Variants in ATAD2B observed in about 807,000 individuals in gnomAD.
ATAD2B encodes ATPase family AAA domain-containing protein 2B.
A neutral mutation model predicts 167.6 loss-of-function variants in ATAD2B; 40 were observed. The ratio of observed to expected loss-of-function variants is 0.24; its 90% CI spans 0.19 to 0.31. ATAD2B has a LOEUF of 0.31. Among genes scored for constraint, ATAD2B ranks in the 10% least tolerant of loss-of-function variants. ATAD2B has a pLI of 1.00. For missense variants in ATAD2B, 1,242 were observed against 1,757.2 expected (o/e 0.71, Z 5.24); for synonymous variants, 579 against 596.5 (o/e 0.97, Z 0.43).
chr2:23,875,976 A>AT (rs1696760480), intron 7 of ATAD2B, 72 bp from the exon 8 acceptor site: 1 of 1,135,954 alleles, frequency 8.8e-7, no homozygotes, highest in Non-Finnish European at 1.3e-6. Context: ...AGGAGTAGAA[A>AT]TGACTTCTGC....
At chr2:23,708,573 G>A in the ATAD2B span, 2 of 152,268 alleles carry the variant, frequency 1.3e-5, no homozygotes, top group African/African-American at 4.8e-5. Flanking sequence ...TTAAGTTCTT[G>A]TTATATTATA....
At chr2:23,721,726 C>T in the ATAD2B span, among the ~76,000 whole-genome samples, 1 of 152,074 alleles carries the variant, frequency 6.6e-6, no homozygotes, top group African/African-American at 2.4e-5. Context: ...CCATGGGCCA[C>T]GGTCAGCAGA....
chr2:23,683,028 G>A, the ATAD2B span, among the ~76,000 whole-genome samples: 1 of 152,250 alleles, frequency 6.6e-6, no homozygotes, highest in African/African-American at 2.4e-5. Flanking sequence ...AAAAGGGCCT[G>A]CCTGGCAATC....
intron 20 of ATAD2B, among the ~76,000 whole-genome samples, chr2:23,787,844 G>C (rs1572750287): frequency 6.6e-6 from 1 of 152,054 alleles, no homozygotes; most frequent in Middle Eastern, 3.4e-3. Context: ...TTTAAGATTA[G>C]GAAAAGAAAA....
chr2:23,773,977 C>G (rs1302706257), intron 22 of ATAD2B, among the ~76,000 whole-genome samples: 1 of 152,104 alleles, frequency 6.6e-6, no homozygotes, highest in Admixed American at 6.5e-5. Context: ...AATGTAACAG[C>G]AATTTCACTG....
intron 1 of ATAD2B, among the ~76,000 whole-genome samples, chr2:23,908,260 C>T (rs1006155752): frequency 6.6e-6 from 1 of 152,036 alleles, no homozygotes; most frequent in Non-Finnish European, 1.5e-5. Context: ...GGGCTAATAT[C>T]CAGAATCTAC....
chr2:23,706,494 G>C, the ATAD2B span: 1 of 1,530,550 alleles, frequency 6.5e-7, no homozygotes. Context: ...TGTGGTGCTT[G>C]ATGGCAAGAT....
At chr2:23,719,653 G>A in the ATAD2B span, among the ~76,000 whole-genome samples, 12 of 152,030 alleles carry the variant, frequency 7.9e-5, no homozygotes, top group East Asian at 1.9e-4. Context: ...CACCAAGCAC[G>A]TGGAAAACTT....
At chr2:23,726,340 T>C in the ATAD2B span, among the ~76,000 whole-genome samples, 1 of 152,238 alleles carries the variant, frequency 6.6e-6, no homozygotes, top group Non-Finnish European at 1.5e-5. Context: ...TGTTGACTAA[T>C]AGCCTTACTG....
Position 23,771,310 on chromosome 2 carries a change from T to C in ATAD2B, c.3134-5682A>G, listed in dbSNP as rs193032877. 6.6e-5 allele frequency among the ~76,000 whole-genome samples: 10 copies of C among 152,358 alleles called. No homozygotes were observed. In the South Asian group the frequency reaches 1.7e-3, roughly 25 times the overall value. ...TATTTCTTTTTCTTACCTTACTGCA[T>C]TGGCTGAAAGCTCCAGTTTAATGTT... On this transcript the variant is annotated intron_variant, in intron 22 of 27. Transcript: ENST00000238789.
intron 16 of ATAD2B, among the ~76,000 whole-genome samples, chr2:23,821,997 G>C (rs897435828): frequency 6.6e-6 from 1 of 151,982 alleles, no homozygotes; most frequent in Non-Finnish European, 1.5e-5. Context: ...TTTTATCTCA[G>C]GTGCAAAGTA....
At chr2:23,854,078 CTACTAA>C (rs1182194261) in intron 13 of ATAD2B, among the ~76,000 whole-genome samples, 1 of 150,758 alleles carries the variant, frequency 6.6e-6, no homozygotes, top group Non-Finnish European at 1.5e-5. Context: ...AAACATACCT[CTACTAA>C]TAATACAAAA....
chr2:23,680,662 T>TCCC, the ATAD2B span, among the ~76,000 whole-genome samples: 8 of 150,610 alleles, frequency 5.3e-5, no homozygotes, highest in African/African-American at 2.0e-4. This position sits in a 1 kb window ranked among gnomAD's most constrained non-coding sequence, Gnocchi z 4.1. Context: ...TAGGCCATCT[T>TCCC]CTCCTGGGCT....
chr2:23,722,611 T>C, the ATAD2B span, among the ~76,000 whole-genome samples: 77 of 152,254 alleles, frequency 5.1e-4, no homozygotes, highest in African/African-American at 1.6e-3. Context: ...ATTCATATTA[T>C]GGGCATTCCA....
chr2:23,888,578 T>C (rs2150297253), intron 2 of ATAD2B, among the ~76,000 whole-genome samples, 179 bp from the exon 3 acceptor site: 1 of 152,264 alleles, frequency 6.6e-6, no homozygotes, highest in East Asian at 1.9e-4. Context: ...TTAAAAGCCA[T>C]TTCATTACTT....
intron 1 of ATAD2B, among the ~76,000 whole-genome samples, chr2:23,912,458 G>T (rs994519077): frequency 1.3e-5 from 2 of 151,696 alleles, no homozygotes; most frequent in African/African-American, 4.8e-5. Flanking sequence ...AGTGGGCTAC[G>T]ATCATGCCAC....
chr2:23,748,014 TTTA>T (rs1186909244), downstream of ATAD2B, among the ~76,000 whole-genome samples: 1 of 152,120 alleles, frequency 6.6e-6, no homozygotes, highest in Admixed American at 6.6e-5. Flanking sequence ...GTTTTGCAGG[TTTA>T]TTATTAACAA....
chr2:23,853,534 A>G (rs913433611), intron 13 of ATAD2B, among the ~76,000 whole-genome samples: 2 of 152,250 alleles, frequency 1.3e-5, no homozygotes, highest in South Asian at 2.1e-4. Context: ...TGCTAAAACC[A>G]TAAGACACAG....
chr2:23,738,509 T>C, the ATAD2B span, among the ~76,000 whole-genome samples: 2 of 152,192 alleles, frequency 1.3e-5, no homozygotes, highest in Non-Finnish European at 2.9e-5. Context: ...TGAGAGATTT[T>C]GTCACCACCA....
Sources: allele counts gnomAD v4.1 joint callset (sites outside exome capture counted in the v4.1 genomes callset), GRCh38; gene constraint gnomAD v4.1.1; non-coding constraint Gnocchi (gnomAD v3.1); transcripts MANE v1.5; gene names NCBI Gene and HGNC (gene_info 2026-07-23, HGNC 2026-07-21).